The following WSCD2 variants were observed in gnomAD, a reference collection of about 807,000 sequenced individuals.
WSCD2 encodes the protein sialate:O-sulfotransferase 2.
Under a neutral mutation model 55.7 loss-of-function variants are expected in WSCD2, and 28 were observed. That is an observed-to-expected ratio of 0.50 (90% CI 0.37 to 0.69). The LOEUF is 0.69. Ranked by LOEUF, WSCD2 falls within the 30% of genes least tolerant of loss-of-function variation. WSCD2 has a pLI of 0.00. For synonymous variants in WSCD2, 301 were observed against 301.9 expected (o/e 1.00, Z 0.03); for missense variants, 616 against 762.1 (o/e 0.81, Z 2.26).
chr12:108,211,472 T>C (rs552418563), intron 4 of WSCD2, among the ~76,000 whole-genome samples: 3 of 152,220 alleles, frequency 2.0e-5, no homozygotes, highest in South Asian at 2.1e-4. Flanking sequence ...TGAGCCTCTG[T>C]GGATCTCGTC....
rs965481498 is a variant in WSCD2 at position 108,210,149 on chromosome 12, G to A, written c.526G>A (p.Gly176Ser). The change falls in exon 4 of 9, where the codon GGC (glycine) becomes AGC (serine). Residue 176 changes from glycine to serine, a missense_variant. Around this residue, in one of 3 missense-constraint regions of WSCD2, gnomAD observed 374 missense variants for 467.4 expected, o/e 0.80. Coordinates refer to ENST00000547525, the MANE Select transcript of WSCD2 (RefSeq NM_014653.4). This position sits in a 1 kb window ranked among gnomAD's most constrained non-coding sequence, Gnocchi z 4.3. ...TTACCTGTATGGCGGGCTGGAGTTC[G>A]GCGCCGAGTGCTACTGCGGCCACAA... ...RGYLYGGLEF[G>S]AECYCGHKIQ... The A allele has an allele frequency of 1.2e-5, 20 of 1,613,964 alleles. No individual in the cohort carries two copies. Among genetic ancestry groups the A allele is most frequent in the East Asian group, 2.2e-5 (1 of 44,888 alleles).
At chr12:108,173,514 G>T (rs1470428085) in intron 1 of WSCD2, among the ~76,000 whole-genome samples, 2 of 151,080 alleles carry the variant, frequency 1.3e-5, no homozygotes, top group Non-Finnish European at 3.0e-5. Flanking sequence ...CTATCCCTTG[G>T]TCGGGGGTTC....
chr12:108,197,964 G>A (rs1281088354), intron 2 of WSCD2, among the ~76,000 whole-genome samples: 1 of 148,514 alleles, frequency 6.7e-6, no homozygotes, highest in Non-Finnish European at 1.5e-5. Flanking sequence ...TGTTTGCATA[G>A]CTCCCTTCTT....
At chr12:108,230,989 C>T (rs565372119) in intron 6 of WSCD2, among the ~76,000 whole-genome samples, 204 of 152,188 alleles carry the variant, frequency 1.3e-3, no homozygotes, top group Non-Finnish European at 2.6e-3. Context: ...TCTTTCTAAA[C>T]GAGGGAGCTA....
intron 1 of WSCD2, among the ~76,000 whole-genome samples, chr12:108,135,115 G>A (rs1876034355): frequency 6.6e-6 from 1 of 151,644 alleles, no homozygotes; most frequent in Non-Finnish European, 1.5e-5. Context: ...GATTTCTTCA[G>A]CCATCCATCC....
chr12:108,189,044 T>G (rs2137025066), intron 1 of WSCD2, among the ~76,000 whole-genome samples: 1 of 152,312 alleles, frequency 6.6e-6, no homozygotes, highest in Non-Finnish European at 1.5e-5. Flanking sequence ...ATAGCGTTAC[T>G]TATTTATAAA....
chr12:108,198,854 A>G (rs1384356854), intron 2 of WSCD2, among the ~76,000 whole-genome samples: 1 of 152,194 alleles, frequency 6.6e-6, no homozygotes, highest in African/African-American at 2.4e-5. Context: ...TTATTATTCC[A>G]TTTCCCAGAT....
chr12:108,173,328 C>A (rs929503447), intron 1 of WSCD2, among the ~76,000 whole-genome samples: 2 of 152,188 alleles, frequency 1.3e-5, no homozygotes, highest in Admixed American at 1.3e-4. Context: ...GTGAGAAAGG[C>A]CTTCTGCTCC....
At position 108,130,342 on chromosome 12, in the gene WSCD2, G is replaced by C. The variant is rs76230812; in HGVS notation, c.-552+416G>C. ...GGGAGCTAGTCATATTTCCAAGTTG[G>C]CTGTAGAAGATGTTTCTTGGGGGTG... On this transcript the variant is annotated intron_variant, in intron 1 of 8. Coordinates refer to ENST00000547525, the MANE Select transcript of WSCD2 (RefSeq NM_014653.4). Among the ~76,000 whole-genome samples, 4 of 152,324 alleles carry C rather than the reference G, an allele frequency of 2.6e-5. No individual in the cohort carries two copies. In the South Asian group the frequency reaches 8.3e-4, roughly 32 times the overall value.
intron 1 of WSCD2, among the ~76,000 whole-genome samples, chr12:108,141,960 G>C (rs963157669): frequency 1.3e-5 from 2 of 152,206 alleles, no homozygotes; most frequent in African/African-American, 4.8e-5. Flanking sequence ...AAAGAGCAGA[G>C]AGAACAGGGT....
intron 1 of WSCD2, among the ~76,000 whole-genome samples, chr12:108,156,227 G>A (rs1393271205): frequency 6.6e-6 from 1 of 152,144 alleles, no homozygotes; most frequent in Non-Finnish European, 1.5e-5. Context: ...CTGAAACCAG[G>A]CAGGCTCAGG....
At chr12:108,224,923 A>T in intron 5 of WSCD2, 63 bp downstream of exon 5, 1 of 1,571,164 alleles carries the variant, frequency 6.4e-7, no homozygotes, top group South Asian at 1.2e-5. Context: ...AGCTGCAGGA[A>T]CCACATGCTT....
At chr12:108,132,407 A>C (rs1875671288) in intron 1 of WSCD2, among the ~76,000 whole-genome samples, 1 of 152,098 alleles carries the variant, frequency 6.6e-6, no homozygotes, top group Non-Finnish European at 1.5e-5. Flanking sequence ...TGCTTGTGTG[A>C]GCATAACTTA....
chr12:108,185,966 G>T (rs1882435730), intron 1 of WSCD2, among the ~76,000 whole-genome samples: 1 of 152,152 alleles, frequency 6.6e-6, no homozygotes, highest in Non-Finnish European at 1.5e-5. Context: ...TTGGAGAAGG[G>T]CTGCCAGCTG....
chr12:108,146,856 G>A (rs56094750), intron 1 of WSCD2, among the ~76,000 whole-genome samples: 2 of 152,190 alleles, frequency 1.3e-5, no homozygotes, highest in African/African-American at 4.8e-5. Context: ...GATGGATCAG[G>A]GTTAGGGTCT....
intron 7 of WSCD2, among the ~76,000 whole-genome samples, chr12:108,236,075 A>G (rs1365617742): frequency 6.6e-6 from 1 of 152,242 alleles, no homozygotes; most frequent in Admixed American, 6.5e-5. Flanking sequence ...TTGTAGTTCA[A>G]GAATGCACTG....
At position 108,224,798 on chromosome 12, in the gene WSCD2, C is replaced by T; in HGVS notation, c.742C>T (p.Pro248Ser). ...RRPDNLSLAL[P>S]VTAAMLNMSV... ...GCCCGACAACCTTTCCCTGGCCTTA[C>T]CCGTGACAGCTGCCATGCTGAACAT... Residue 248 changes from proline to serine, a missense_variant, in exon 5 of 9, where the codon CCC (proline) becomes TCC (serine). Transcript: ENST00000547525. 2 of 1,613,756 alleles carry T rather than the reference C, an allele frequency of 1.2e-6. No homozygotes were observed. The highest frequency in any genetic ancestry group is 1.7e-6 in the Non-Finnish European group (2 of 1,180,042).
chr12:108,223,844 C>T (rs1029771426), intron 4 of WSCD2, among the ~76,000 whole-genome samples: 1 of 152,176 alleles, frequency 6.6e-6, no homozygotes, highest in African/African-American at 2.4e-5. Flanking sequence ...AGCCCCCTTT[C>T]CTTAAGGTGG....
intron 1 of WSCD2, among the ~76,000 whole-genome samples, chr12:108,146,917 A>G (rs1157315122): frequency 1.3e-5 from 2 of 152,218 alleles, no homozygotes; most frequent in African/African-American, 4.8e-5. Context: ...TTAACTCATT[A>G]ACAATGAACT....
Sources: gnomAD v4.1 joint callset for allele counts (sites outside exome capture counted in the v4.1 genomes callset) on GRCh38, gnomAD v4.1.1 for gene constraint, gnomAD v4.1.1 regional missense constraint, Gnocchi (gnomAD v3.1) non-coding constraint, MANE v1.5 for transcripts, NCBI Gene and HGNC (gene_info 2026-07-23, HGNC 2026-07-21) for gene names.